CPO: variants seen among roughly 807,000 people sequenced by gnomAD.
CPO encodes carboxypeptidase O, also known as metallocarboxypeptidase C.
CPO carries 43 observed loss-of-function variants against 41.2 expected under a neutral mutation model. That is an observed-to-expected ratio of 1.04 (90% confidence interval 0.82 to 1.35). The LOEUF is 1.35. Among genes scored for constraint, CPO ranks in the 40% most tolerant of loss-of-function variants. The probability of loss-of-function intolerance (pLI) is 0.00; values close to 1 mark genes in which losing one functional copy is unlikely to be tolerated. For synonymous variants in CPO, 178 were observed against 162.7 expected, an observed-to-expected ratio of 1.09 and a Z score of -0.72; for missense variants, 408 against 451.7, an observed-to-expected ratio of 0.90 and a Z score of 0.88.
At chr2:206,960,233 T>C (rs1693452414) in intron 5 of CPO, among the ~76,000 whole-genome samples, 1 of 152,208 alleles carries the variant, frequency 6.6e-6, no homozygotes, top group Non-Finnish European at 1.5e-5. Context: ...CTAAAGCCTA[T>C]CACTCTTCAA....
intron 1 of CPO, among the ~76,000 whole-genome samples, chr2:206,946,944 T>C (rs140095345): frequency 6.6e-6 from 1 of 152,182 alleles, no homozygotes; most frequent in African/African-American, 2.4e-5. Context: ...AAAACTCTAA[T>C]GAAAGAGATC....
chr2:206,960,779 A>G, intron 5 of CPO, 73 bp from the exon 6 acceptor site: 3 of 1,028,526 alleles, frequency 2.9e-6, no homozygotes, highest in Admixed American at 1.8e-5. Context: ...ATGTTCAAGG[A>G]CCACCTATCA....
At chr2:206,945,180 GAC>G (rs765374507) in intron 1 of CPO, among the ~76,000 whole-genome samples, 1 of 147,438 alleles carries the variant, frequency 6.8e-6, no homozygotes, top group Non-Finnish European at 1.5e-5. Context: ...AGAAAGAGAA[GAC>G]ACAATACTAT....
At chr2:206,954,099 G>C (rs1693315535) in intron 2 of CPO, among the ~76,000 whole-genome samples, 1 of 152,186 alleles carries the variant, frequency 6.6e-6, no homozygotes, top group South Asian at 2.1e-4. Flanking sequence ...GGGAGGGGCT[G>C]CTGTGAAGGT....
intron 1 of CPO, among the ~76,000 whole-genome samples, chr2:206,940,009 AATTAT>A (rs1692999737): frequency 6.6e-6 from 1 of 152,112 alleles, no homozygotes; most frequent in Non-Finnish European, 1.5e-5. Context: ...ACATTATCCT[AATTAT>A]TAAGAAAAAT....
chr2:206,942,493 G>A (rs963647845), intron 1 of CPO, among the ~76,000 whole-genome samples: 7 of 151,970 alleles, frequency 4.6e-5, no homozygotes, highest in African/African-American at 1.7e-4. Context: ...TCTTCACCAA[G>A]TATTTAAAAT....
At chr2:206,952,810 T>C (rs1416618584) in intron 2 of CPO, among the ~76,000 whole-genome samples, 1 of 152,150 alleles carries the variant, frequency 6.6e-6, no homozygotes, top group East Asian at 1.9e-4. Flanking sequence ...CTGGGTAATT[T>C]ATAAAGGAAA....
In CPO at chr2:206,949,735, G is replaced by A. The variant is rs372873329; in HGVS notation, c.165+22G>A. The A allele has an allele frequency of 7.2e-5, 110 of 1,526,898 alleles. No individual in the cohort carries two copies. The African/African-American group carries it at 1.3e-3, about 19-fold the overall frequency. The allele number at this position is 1,526,898 out of a possible 1,614,324, so 94.6% of individuals were successfully genotyped here. The stretch of plus-strand genomic sequence containing the variant: ...AGAGGTAAGGAAGGACACATGGCAG[G>A]AGGTTGGTGGTTGTCACAACCTACT... On this transcript the variant is annotated intron_variant, in intron 2 of 8. Transcript: ENST00000272852.
intron 7 of CPO, among the ~76,000 whole-genome samples, chr2:206,965,485 A>T (rs562243005): frequency 3.3e-5 from 5 of 152,350 alleles, no homozygotes; most frequent in African/African-American, 1.2e-4. Context: ...ACAGCTTGGC[A>T]ATCACTGTGT....
intron 3 of CPO, among the ~76,000 whole-genome samples, chr2:206,956,911 C>G (rs192567387): frequency 1.3e-5 from 2 of 152,304 alleles, no homozygotes; most frequent in Admixed American, 1.3e-4. Flanking sequence ...ACCTGCCTAC[C>G]TGATTTTCCA....
intron 1 of CPO, among the ~76,000 whole-genome samples, chr2:206,941,465 T>G (rs1214782921): frequency 1.3e-5 from 2 of 152,072 alleles, no homozygotes; most frequent in Non-Finnish European, 2.9e-5. Flanking sequence ...TTCCCTCAAC[T>G]ATTATTCATT....
chr2:206,941,404 AAT>A (rs1693027561), intron 1 of CPO, among the ~76,000 whole-genome samples: 1 of 152,082 alleles, frequency 6.6e-6, no homozygotes, highest in Admixed American at 6.6e-5. Context: ...ATAAAATAAA[AAT>A]ATGTACTAAA....
chr2:206,948,135 G>A (rs958024935), intron 1 of CPO, among the ~76,000 whole-genome samples: 2 of 152,204 alleles, frequency 1.3e-5, no homozygotes, highest in Non-Finnish European at 2.9e-5. Flanking sequence ...GATGATTATA[G>A]CAGCTTTATT....
intron 1 of CPO, among the ~76,000 whole-genome samples, chr2:206,942,525 A>C (rs558039171): frequency 6.6e-6 from 1 of 152,234 alleles, no homozygotes; most frequent in Non-Finnish European, 1.5e-5. Flanking sequence ...CTCAATATTC[A>C]TTAGGATTTT....
intron 1 of CPO, among the ~76,000 whole-genome samples, chr2:206,946,497 A>G (rs1212320676): frequency 6.6e-6 from 1 of 152,206 alleles, no homozygotes; most frequent in African/African-American, 2.4e-5. Flanking sequence ...CAAAAAATCT[A>G]CAGTTTACAT....
Position 206,939,534 on chromosome 2 carries a change from C to A in CPO, c.-66C>A. ...GTGGGAGCCACAGTCTTGATGCATTCATTCTCAAGGACACTTGATCCACTG... is the reference window on the plus strand; with the variant it reads ...GTGGGAGCCACAGTCTTGATGCATTAATTCTCAAGGACACTTGATCCACTG... On this transcript the variant is annotated 5_prime_UTR_variant, in exon 1 of 9. It introduces an in-frame stop codon into an upstream open reading frame of the 5' UTR. Transcript: ENST00000272852. The A allele has an allele frequency of 7.8e-7, 1 of 1,286,176 alleles. No individual in the cohort carries two copies. Among genetic ancestry groups the A allele is most frequent in the Non-Finnish European group, 1.1e-6 (1 of 886,952 alleles). 79.7% of individuals were successfully genotyped at this position (1,286,176 alleles called of 1,614,324 possible).
At position 206,939,520 on chromosome 2, in the gene CPO, A is replaced by AGGG; in HGVS notation, c.-79_-78insGGG. On this transcript the variant is annotated 5_prime_UTR_variant, in exon 1 of 9. Transcript: ENST00000272852. ...ATCTCATCTTGATTGTGGGAGCCACAGTCTTGATGCATTCATTCTCAAGGA... is the reference window on the plus strand; with the variant it reads ...ATCTCATCTTGATTGTGGGAGCCACAGGGGTCTTGATGCATTCATTCTCAAGGA... The AGGG allele has an allele frequency of 9.3e-7, 1 of 1,079,802 alleles. No individual in the cohort carries two copies. The highest frequency in any genetic ancestry group is 1.3e-5 in the South Asian group (1 of 75,570). 66.9% of individuals were successfully genotyped at this position (1,079,802 alleles called of 1,614,324 possible). A position where few individuals can be genotyped will look rare whatever the true frequency, so the allele number is the denominator to read the frequency against.
intron 7 of CPO, 34 bp from the exon 8 acceptor site, chr2:206,968,229 A>G (rs1439832251): frequency 7.3e-7 from 1 of 1,363,146 alleles, no homozygotes; most frequent in East Asian, 2.3e-5. Context: ...TATTTTAAAC[A>G]CCAGATATCT....
In CPO at chr2:206,951,776, C is replaced by G. The variant is rs186915244; in HGVS notation, c.165+2063C>G. On this transcript the variant is annotated intron_variant, in intron 2 of 8. Coordinates refer to ENST00000272852, the MANE Select transcript of CPO (RefSeq NM_173077.3). ...ATCTGTGAAACAGAAATAGTAGTAT[C>G]TATCTTGTAGCATTGTTGTGAGAGT... Among the ~76,000 whole-genome samples, 518 of 152,290 alleles carry G rather than the reference C, an allele frequency of 3.4e-3. 1 individual carries two copies. Among genetic ancestry groups the G allele is most frequent in the African/African-American group, 0.012 (505 of 41,548 alleles).
Sources: gnomAD v4.1 joint callset for allele counts (sites outside exome capture counted in the v4.1 genomes callset) on GRCh38, gnomAD v4.1.1 for gene constraint, MANE v1.5 for transcripts, NCBI Gene and HGNC (gene_info 2026-07-23, HGNC 2026-07-21) for gene names.